MOSMO: variants seen among roughly 807,000 people sequenced by gnomAD.
MOSMO encodes modulator of smoothened, also known as modulator of smoothened protein.
In MOSMO, 5 loss-of-function variants were observed where a neutral mutation model predicts 18.4. The observed-to-expected ratio is 0.27, with a 90% CI of 0.14 to 0.57. The LOEUF (loss-of-function observed/expected upper bound fraction) is 0.57. MOSMO is among the 20% of genes least tolerant of loss of function. The pLI, the probability that MOSMO is intolerant of heterozygous loss-of-function variation, is 0.92. For synonymous variants in MOSMO, 82 were observed against 82.3 expected (o/e 1.00, Z 0.02); for missense variants, 138 against 211.8 (o/e 0.65, Z 2.16).
At chr16:22,091,030 G>A (rs938734239), downstream of MOSMO, among the ~76,000 whole-genome samples, 7 of 151,380 alleles carry the variant, frequency 4.6e-5, no homozygotes, top group East Asian at 1.9e-4. Context: ...TGGGGCTCCC[G>A]TGCCTAAAAA....
At chr16:22,019,679 G>A (rs1382555037) in intron 1 of MOSMO, among the ~76,000 whole-genome samples, 1 of 152,098 alleles carries the variant, frequency 6.6e-6, no homozygotes, top group Non-Finnish European at 1.5e-5. Context: ...TTTTGAACCT[G>A]GGCTAGGGAA....
At chr16:22,034,656 A>C (rs1214107096) in intron 1 of MOSMO, among the ~76,000 whole-genome samples, 1 of 149,668 alleles carries the variant, frequency 6.7e-6, no homozygotes, top group Non-Finnish European at 1.5e-5. Context: ...GATTTTCTAC[A>C]ATTTGAATAT....
chr16:22,056,365 C>CTTTTTTTTTTT (rs35642716), intron 1 of MOSMO, among the ~76,000 whole-genome samples: 199 of 54,436 alleles, frequency 3.7e-3, no homozygotes, highest in Non-Finnish European at 4.2e-3. Context: ...TTCTTTCTTT[C>CTTTTTTTTTTT]TTTTTTTTTT....
intron 1 of MOSMO, among the ~76,000 whole-genome samples, chr16:22,070,409 A>C (rs969098637): frequency 6.6e-6 from 1 of 152,224 alleles, no homozygotes. Context: ...GAAAAGATAA[A>C]AGGTGGTAAC....
chr16:22,090,391 A>G (rs968462087), downstream of MOSMO: 1 of 152,152 alleles, frequency 6.6e-6, no homozygotes, highest in Admixed American at 6.5e-5. Flanking sequence ...TTGGGTTTCT[A>G]TCTCTTTTAA....
intron 1 of MOSMO, among the ~76,000 whole-genome samples, chr16:22,024,228 A>G (rs1026568302): frequency 6.6e-6 from 1 of 152,026 alleles, no homozygotes; most frequent in Non-Finnish European, 1.5e-5. Flanking sequence ...AAATTGACTC[A>G]CTTTACCTCC....
At chr16:22,022,958 A>C (rs1899795559) in intron 1 of MOSMO, among the ~76,000 whole-genome samples, 1 of 152,200 alleles carries the variant, frequency 6.6e-6, no homozygotes, top group African/African-American at 2.4e-5. Flanking sequence ...GACAGTAACC[A>C]AGTGTCAGTC....
At chr16:22,030,646 C>T (rs1292239847) in intron 1 of MOSMO, among the ~76,000 whole-genome samples, 1 of 152,132 alleles carries the variant, frequency 6.6e-6, no homozygotes, top group East Asian at 1.9e-4. Context: ...AGGTGATTCT[C>T]AACCTCCCAA....
At chr16:22,065,670 C>T (rs1900735778) in intron 1 of MOSMO, among the ~76,000 whole-genome samples, 2 of 152,064 alleles carry the variant, frequency 1.3e-5, no homozygotes, top group African/African-American at 2.4e-5. Context: ...TTATTCAGTG[C>T]TTACAGTTCT....
At chr16:22,010,070 G>T (rs112082760) in intron 1 of MOSMO, among the ~76,000 whole-genome samples, 2,698 of 152,122 alleles carry the variant, frequency 0.018, 44 homozygotes, top group Non-Finnish European at 0.026. Context: ...TATTTATCCT[G>T]CAATATTTTT....
chr16:22,013,439 T>C (rs1352445589), intron 1 of MOSMO, among the ~76,000 whole-genome samples: 2 of 152,218 alleles, frequency 1.3e-5, no homozygotes, highest in Non-Finnish European at 2.9e-5. Flanking sequence ...GGGTCTTTGC[T>C]TTGTACAAGC....
At chr16:22,073,189 G>T (rs1209011112) in intron 1 of MOSMO, among the ~76,000 whole-genome samples, 2 of 152,230 alleles carry the variant, frequency 1.3e-5, no homozygotes, top group East Asian at 3.9e-4. Context: ...GGAAAGTTCA[G>T]TTATGATGTA....
In MOSMO at chr16:22,082,543, G is replaced by A. The variant is rs1433784424; in HGVS notation, c.*1663G>A. 6.6e-6 allele frequency: 1 copy of A among 152,106 alleles called. No individual in the cohort carries two copies. Among genetic ancestry groups the A allele is most frequent in the East Asian group, 1.9e-4 (1 of 5,184 alleles). The allele number at this position is 152,106 out of a possible 1,614,324, so 9.4% of individuals were successfully genotyped here. A position where few individuals can be genotyped will look rare whatever the true frequency, so the allele number is the denominator to read the frequency against. Reference sequence around the variant, plus strand: ...GAACTGATGACCCAAATGACTCCCTGTCAGTAGAGTCCCATGTGGCCCATG... The same window carrying A: ...GAACTGATGACCCAAATGACTCCCTATCAGTAGAGTCCCATGTGGCCCATG... On this transcript the variant is annotated 3_prime_UTR_variant, in exon 3 of 3. Coordinates refer to ENST00000542527, the MANE Select transcript of MOSMO (RefSeq NM_001164579.2).
chr16:22,065,246 G>A (rs1012127650), intron 1 of MOSMO, among the ~76,000 whole-genome samples: 5 of 152,148 alleles, frequency 3.3e-5, no homozygotes, highest in Admixed American at 6.5e-5. Context: ...CTTTTAAATC[G>A]GGATAGAGGG....
chr16:22,026,215 CTTTTT>C (rs1230886620), intron 1 of MOSMO, among the ~76,000 whole-genome samples: 2 of 122,146 alleles, frequency 1.6e-5, no homozygotes, highest in African/African-American at 3.0e-5. Context: ...GAATTGCATT[CTTTTT>C]TTTTTTTTTT....
At chr16:22,063,805 A>C (rs1359484612) in intron 1 of MOSMO, among the ~76,000 whole-genome samples, 4 of 152,190 alleles carry the variant, frequency 2.6e-5, no homozygotes, top group Non-Finnish European at 5.9e-5. Flanking sequence ...CCTTAGATGC[A>C]CTATCACTGT....
chr16:22,043,690 G>A (rs947483876), intron 1 of MOSMO, among the ~76,000 whole-genome samples: 2 of 152,054 alleles, frequency 1.3e-5, no homozygotes, highest in Admixed American at 1.3e-4. Flanking sequence ...AAGCTGAGTT[G>A]TTTGTTACTT....
At chr16:22,011,116 C>G (rs917499659) in intron 1 of MOSMO, among the ~76,000 whole-genome samples, 13 of 152,042 alleles carry the variant, frequency 8.6e-5, no homozygotes, top group African/African-American at 2.9e-4. Context: ...AGCTTGCCAA[C>G]GGTGATAAGT....
At chr16:22,053,148 C>T (rs1204421865) in intron 1 of MOSMO, among the ~76,000 whole-genome samples, 2 of 149,704 alleles carry the variant, frequency 1.3e-5, no homozygotes, top group Non-Finnish European at 3.0e-5. Context: ...TTTTTAGTAG[C>T]GATGGGGTTT....
Sources: gnomAD v4.1 joint callset for allele counts (sites outside exome capture counted in the v4.1 genomes callset) on GRCh38, gnomAD v4.1.1 for gene constraint, MANE v1.5 for transcripts, NCBI Gene and HGNC (gene_info 2026-07-23, HGNC 2026-07-21) for gene names.